The following DDC variants were observed in gnomAD, a reference collection of about 807,000 sequenced individuals.
DDC encodes the protein aromatic-L-amino-acid decarboxylase.
DDC carries 43 observed loss-of-function variants against 60.0 expected under a neutral mutation model. That is an observed-to-expected ratio of 0.72 (90% CI 0.56 to 0.92). The LOEUF is 0.92. Ranked by LOEUF, DDC falls within the 40% of genes least tolerant of loss-of-function variation. DDC has a pLI of 0.00. For missense variants in DDC, 573 were observed against 620.2 expected (o/e 0.92, Z 0.81); for synonymous variants, 232 against 234.6 (o/e 0.99, Z 0.10).
At chr7:50,547,336 G>A (rs982107043) in intron 1 of DDC, among the ~76,000 whole-genome samples, 2 of 151,762 alleles carry the variant, frequency 1.3e-5, no homozygotes, top group Admixed American at 6.6e-5. Context: ...TCAGCCTCCC[G>A]AGTAGCTGGG....
chr7:50,551,896 G>T (rs1395097791), intron 1 of DDC, among the ~76,000 whole-genome samples: 2 of 152,016 alleles, frequency 1.3e-5, no homozygotes, highest in Non-Finnish European at 2.9e-5. Context: ...TTGCCCTCCT[G>T]GGGGGCCACA....
At chr7:50,550,894 C>T (rs1362495249) in intron 1 of DDC, among the ~76,000 whole-genome samples, 2 of 152,168 alleles carry the variant, frequency 1.3e-5, no homozygotes, top group Non-Finnish European at 2.9e-5. Context: ...CCCGTAATAC[C>T]TTGAAGAACT....
chr7:50,470,273 C>A lies in DDC; in HGVS notation c.1042-102G>T. On this transcript the variant is annotated intron_variant, in intron 11 of 14. Transcript: ENST00000444124. Reference sequence around the variant, plus strand: ...CTATTTCTCTTGGAGGCAGCCGATTCCCTGGTGGCCAACCTGCTCCCATTG... The same window carrying A: ...CTATTTCTCTTGGAGGCAGCCGATTACCTGGTGGCCAACCTGCTCCCATTG... 3 of 861,822 alleles carry A rather than the reference C, an allele frequency of 3.5e-6. No individual in the cohort carries two copies. The Admixed American group carries it at 5.2e-5, about 15-fold the overall frequency. 53.4% of individuals were successfully genotyped at this position (861,822 alleles called of 1,614,324 possible). A position where few individuals can be genotyped will look rare whatever the true frequency, so the allele number is the denominator to read the frequency against.
intron 9 of DDC, among the ~76,000 whole-genome samples, chr7:50,482,009 C>T (rs1311463133): frequency 6.6e-6 from 1 of 152,214 alleles, no homozygotes; most frequent in African/African-American, 2.4e-5. Flanking sequence ...GATAGACAAA[C>T]TACACTGATG....
intron 11 of DDC, among the ~76,000 whole-genome samples, chr7:50,473,290 C>T (rs552471441): frequency 8.5e-5 from 13 of 152,244 alleles, no homozygotes; most frequent in African/African-American, 2.9e-4. Context: ...CACCAGGGCC[C>T]TGAGGCTGCT....
At position 50,458,772 on chromosome 7, in the gene DDC, C is replaced by A. The variant is rs930611855; in HGVS notation, c.*90G>T. The A allele has an allele frequency of 3.9e-5, 6 of 152,128 alleles. No individual in the cohort carries two copies. Among genetic ancestry groups the A allele is most frequent in the African/African-American group, 1.4e-4 (6 of 41,402 alleles). The allele number at this position is 152,128 out of a possible 1,614,324, so 9.4% of individuals were successfully genotyped here. A position where few individuals can be genotyped will look rare whatever the true frequency, so the allele number is the denominator to read the frequency against. ...TGGGAAGCCACAGACAGCTGAGTTC[C>A]ATGAAGGCAGGATGATATTTATTTG... On this transcript the variant is annotated 3_prime_UTR_variant, in exon 15 of 15. Coordinates refer to ENST00000444124, the MANE Select transcript of DDC (RefSeq NM_001082971.2).
chr7:50,520,989 C>A (rs1250060629), intron 6 of DDC, among the ~76,000 whole-genome samples: 1 of 151,356 alleles, frequency 6.6e-6, no homozygotes, highest in Non-Finnish European at 1.5e-5. Flanking sequence ...AGAATTAGAG[C>A]AGAAATCAAT....
intron 6 of DDC, among the ~76,000 whole-genome samples, chr7:50,520,117 C>T (rs2043852065): frequency 6.6e-6 from 1 of 152,096 alleles, no homozygotes; most frequent in Non-Finnish European, 1.5e-5. Context: ...TGGACAGGTC[C>T]AGCAGTCAGA....
chr7:50,521,474 A>G (rs751737950), intron 6 of DDC, among the ~76,000 whole-genome samples: 10 of 152,214 alleles, frequency 6.6e-5, no homozygotes, highest in Admixed American at 1.3e-4. Context: ...GGAAAACTAT[A>G]GAACAATATC....
intron 2 of DDC, 114 bp downstream of exon 2, chr7:50,543,771 C>T: frequency 1.8e-6 from 2 of 1,088,882 alleles, no homozygotes; most frequent in Non-Finnish European, 1.4e-6. Flanking sequence ...AAATTTCTCT[C>T]CAACCTGACT....
At chr7:50,508,498 C>T (rs928982808) in intron 6 of DDC, among the ~76,000 whole-genome samples, 1 of 152,194 alleles carries the variant, frequency 6.6e-6, no homozygotes, top group Non-Finnish European at 1.5e-5. Flanking sequence ...CCTCTGTGGC[C>T]CGACCTTATC....
At chr7:50,537,776 T>G in intron 4 of DDC, 84 bp downstream of exon 4, 1 of 1,525,658 alleles carries the variant, frequency 6.6e-7, no homozygotes, top group East Asian at 2.3e-5. Flanking sequence ...ACAAGAAGCA[T>G]GAGTGCCTCT....
chr7:50,525,299 A>T (rs921299028), intron 6 of DDC, among the ~76,000 whole-genome samples: 2 of 152,210 alleles, frequency 1.3e-5, no homozygotes, highest in Non-Finnish European at 2.9e-5. Flanking sequence ...AACACTTGTG[A>T]TAAATGACAT....
intron 1 of DDC, among the ~76,000 whole-genome samples, chr7:50,562,595 C>T (rs370060547): frequency 6.6e-6 from 1 of 152,178 alleles, no homozygotes; most frequent in East Asian, 1.9e-4. Flanking sequence ...CTTTCTTGCC[C>T]CTGGCAATGC....
chr7:50,559,846 T>G (rs1349648648), intron 1 of DDC, among the ~76,000 whole-genome samples: 1 of 152,210 alleles, frequency 6.6e-6, no homozygotes, highest in Non-Finnish European at 1.5e-5. Context: ...ATCAACATCT[T>G]GAAGAGCAGA....
intron 6 of DDC, among the ~76,000 whole-genome samples, chr7:50,509,482 G>A (rs2043491073): frequency 6.6e-6 from 1 of 152,128 alleles, no homozygotes; most frequent in South Asian, 2.1e-4. Context: ...GGCCCAACTT[G>A]CTCCAGCAAT....
intron 6 of DDC, among the ~76,000 whole-genome samples, chr7:50,511,029 G>A (rs1585207886): frequency 7.6e-6 from 1 of 131,714 alleles, no homozygotes; most frequent in African/African-American, 2.9e-5. Context: ...CTAGCTTATT[G>A]CTAGGATATT....
chr7:50,476,339 C>T (rs2042642950), intron 11 of DDC, among the ~76,000 whole-genome samples: 1 of 152,232 alleles, frequency 6.6e-6, no homozygotes, highest in African/African-American at 2.4e-5. Context: ...GCAGAAGGGC[C>T]TTTTCCTTCC....
At chr7:50,549,522 C>T (rs569222856) in intron 1 of DDC, among the ~76,000 whole-genome samples, 57 of 152,056 alleles carry the variant, frequency 3.7e-4, no homozygotes, top group East Asian at 1.5e-3. Context: ...GGTGTGGTGG[C>T]GGGCTCCTGT....
Sources: allele counts gnomAD v4.1 joint callset (sites outside exome capture counted in the v4.1 genomes callset), GRCh38; gene constraint gnomAD v4.1.1; transcripts MANE v1.5; gene names NCBI Gene and HGNC (gene_info 2026-07-23, HGNC 2026-07-21).